SLCO5A1: variants seen among roughly 807,000 people sequenced by gnomAD.
The protein encoded by SLCO5A1 is organic anion transporter polypeptide-related protein 4.
Under a neutral mutation model 65.1 loss-of-function variants are expected in SLCO5A1, and 39 were observed. The observed-to-expected ratio is 0.60, with a 90% CI of 0.46 to 0.78. SLCO5A1 has a LOEUF of 0.78. Ranked by LOEUF, SLCO5A1 falls within the 30% of genes least tolerant of loss-of-function variation. SLCO5A1 has a pLI of 0.00. For missense variants in SLCO5A1, 1,029 were observed against 1,069.4 expected, an observed-to-expected ratio of 0.96 and a Z score of 0.53; for synonymous variants, 438 against 415.7, an observed-to-expected ratio of 1.05 and a Z score of -0.65.
chr8:69,774,138 T>C (rs1324654353), intron 2 of SLCO5A1, among the ~76,000 whole-genome samples: 1 of 152,232 alleles, frequency 6.6e-6, no homozygotes, highest in Non-Finnish European at 1.5e-5. Flanking sequence ...CTTTATTGAA[T>C]GGAGAAGGGA....
rs563002044 is a variant in SLCO5A1, at chr8:69,701,276, T to A, written c.1622+3755A>T. Among the ~76,000 whole-genome samples, 228 of 152,336 alleles carry A rather than the reference T, an allele frequency of 1.5e-3. 2 individuals carry two copies. Among genetic ancestry groups the A allele is most frequent in the South Asian group, 0.015 (70 of 4,824 alleles). On this transcript the variant is annotated intron_variant, in intron 6 of 9. Coordinates refer to ENST00000260126, the MANE Select transcript of SLCO5A1 (RefSeq NM_030958.3). ...TTACACAAATAAGGAAATCTAATCA[T>A]GATACTGTAAACCAAAAATAAAATT...
chr8:69,793,777 CTAAATAAATAAATAAA>C (rs71556785), intron 2 of SLCO5A1, among the ~76,000 whole-genome samples: 89 of 141,886 alleles, frequency 6.3e-4, no homozygotes, highest in African/African-American at 1.8e-3. Context: ...GACTCTGTCT[CTAAATAAATAAATAAA>C]TAAATAAATA....
At chr8:69,735,182 A>C (rs1816501884) in intron 5 of SLCO5A1, among the ~76,000 whole-genome samples, 1 of 152,208 alleles carries the variant, frequency 6.6e-6, no homozygotes, top group Non-Finnish European at 1.5e-5. Flanking sequence ...AGATGCTGCC[A>C]AGGCTGTAGA....
intron 5 of SLCO5A1, among the ~76,000 whole-genome samples, chr8:69,731,813 C>G (rs1816350284): frequency 6.6e-6 from 1 of 152,296 alleles, no homozygotes; most frequent in South Asian, 2.1e-4. Flanking sequence ...TACCTTTCTC[C>G]TCTCTCAGAG....
chr8:69,674,733 T>C (rs542141727), intron 9 of SLCO5A1, among the ~76,000 whole-genome samples: 22 of 151,908 alleles, frequency 1.4e-4, no homozygotes, highest in Non-Finnish European at 5.9e-5. Flanking sequence ...GAAATTATCT[T>C]TTTCTGGCCA....
rs1267510182 is a variant in SLCO5A1 at position 69,673,056 on chromosome 8, GGGTGTCCCACTCTCTCACTCAC to G, written c.2338_2359del (p.Val780ProfsTer43). The G allele has an allele frequency of 6.2e-7, 1 of 1,614,200 alleles. No homozygotes were observed. Among genetic ancestry groups the G allele is most frequent in the South Asian group, 1.1e-5 (1 of 91,082 alleles). On this transcript the variant is annotated frameshift_variant, in exon 10 of 10. Coordinates refer to ENST00000260126, the MANE Select transcript of SLCO5A1 (RefSeq NM_030958.3). LOFTEE classifies it high-confidence loss of function. ...GCAAGATCTAGTCCGGGCATTGTCG[GGGTGTCCCACTCTCTCACTCAC>G]GGTGCTCAGGGGAAATTCTCTCTGC...
intron 2 of SLCO5A1, among the ~76,000 whole-genome samples, chr8:69,765,386 T>TTATATATATATATA (rs371210780): frequency 2.0e-5 from 3 of 149,046 alleles, no homozygotes; most frequent in African/African-American, 7.4e-5. Context: ...GTATGAGTAT[T>TTATATATATATATA]TATATATATA....
intron 5 of SLCO5A1, among the ~76,000 whole-genome samples, chr8:69,708,371 G>C (rs1815068708): frequency 6.6e-6 from 1 of 152,104 alleles, no homozygotes; most frequent in Non-Finnish European, 1.5e-5. Flanking sequence ...AGTAGATACA[G>C]TATATAGTAT....
Position 69,670,129 on chromosome 8 carries a change from T to C in SLCO5A1, c.*2740A>G, listed in dbSNP as rs972637413. On this transcript the variant is annotated 3_prime_UTR_variant, in exon 10 of 10. Coordinates refer to ENST00000260126, the MANE Select transcript of SLCO5A1 (RefSeq NM_030958.3). ...AATTAATAGGATGAACTCAAGGATA[T>C]TGTATTTGCATATTAAAGCTAAATA... is the stretch of plus-strand genomic sequence containing the variant. 1.3e-5 allele frequency: 2 copies of C among 152,344 alleles called. No homozygotes were observed. Among genetic ancestry groups the C allele is most frequent in the South Asian group, 2.1e-4 (1 of 4,834 alleles). 9.4% of individuals were successfully genotyped at this position (152,344 alleles called of 1,614,324 possible).
At chr8:69,830,786 A>T (rs1821120787) in intron 2 of SLCO5A1, among the ~76,000 whole-genome samples, 1 of 152,180 alleles carries the variant, frequency 6.6e-6, no homozygotes, top group African/African-American at 2.4e-5. Context: ...GACTTATGCA[A>T]GTCAACACAC....
At chr8:69,806,006 C>T (rs1467944842) in intron 2 of SLCO5A1, among the ~76,000 whole-genome samples, 1 of 152,170 alleles carries the variant, frequency 6.6e-6, no homozygotes, top group Non-Finnish European at 1.5e-5. Flanking sequence ...CATCTGGATG[C>T]TTTTAAAAAA....
At chr8:69,745,639 A>T (rs1217293453) in intron 4 of SLCO5A1, among the ~76,000 whole-genome samples, 2 of 152,174 alleles carry the variant, frequency 1.3e-5, no homozygotes. Flanking sequence ...ACACATACTA[A>T]CATTTATCTA....
rs1288883995 is a variant in SLCO5A1, at chr8:69,755,362, C to T, written c.1258+62G>A. On this transcript the variant is annotated intron_variant, in intron 4 of 9. Coordinates refer to ENST00000260126, the MANE Select transcript of SLCO5A1 (RefSeq NM_030958.3). ...TGGGTAGACAGCATGGGCCTGGGAC[C>T]ACACTATGAGTAGCACTGATCAAAG... is the stretch of plus-strand genomic sequence containing the variant. 2.8e-6 allele frequency: 4 copies of T among 1,408,042 alleles called. No individual in the cohort carries two copies. The East Asian group carries it at 6.9e-5, about 24-fold the overall frequency. 87.2% of individuals were successfully genotyped at this position (1,408,042 alleles called of 1,614,324 possible).
rs150178914 is a variant in SLCO5A1 at position 69,808,564 on chromosome 8, A to G, written c.907+23203T>C. Among the ~76,000 whole-genome samples, 87 of 152,258 alleles carry G rather than the reference A, an allele frequency of 5.7e-4. No individual in the cohort carries two copies. The East Asian group carries it at 0.016, about 28-fold the overall frequency. ...GTACCACATTTTCTTTATCCAGTCT[A>G]TCATTGATGGACATTTAAGTTGATT... is the stretch of plus-strand genomic sequence containing the variant. On this transcript the variant is annotated intron_variant, in intron 2 of 9. Transcript: ENST00000260126.
chr8:69,731,538 A>G (rs1816337009), intron 5 of SLCO5A1, among the ~76,000 whole-genome samples: 1 of 152,194 alleles, frequency 6.6e-6, no homozygotes, highest in Non-Finnish European at 1.5e-5. Flanking sequence ...TAGACACCCA[A>G]ACATTCCTTA....
chr8:69,779,441 G>A (rs934869168), intron 2 of SLCO5A1, among the ~76,000 whole-genome samples: 3 of 152,128 alleles, frequency 2.0e-5, no homozygotes, highest in African/African-American at 7.2e-5. Context: ...TCCAGAGCTG[G>A]CAGTATCTCA....
chr8:69,834,753 CACACACACA>C (rs1275488801), intron 1 of SLCO5A1, 92 bp downstream of exon 1: 3 of 145,978 alleles, frequency 2.1e-5, no homozygotes, highest in African/African-American at 8.1e-5. Flanking sequence ...CACACACACA[CACACACACA>C]CACACACACA....
intron 4 of SLCO5A1, among the ~76,000 whole-genome samples, chr8:69,748,393 T>A (rs146089309): frequency 0.012 from 1,771 of 152,196 alleles, 26 homozygotes; most frequent in African/African-American, 0.039. Flanking sequence ...TTTTTCAGGG[T>A]TTCTCTGCCT....
chr8:69,743,539 C>G (rs1402516317), intron 4 of SLCO5A1, among the ~76,000 whole-genome samples: 1 of 152,088 alleles, frequency 6.6e-6, no homozygotes, highest in East Asian at 1.9e-4. Context: ...GCACCAACTT[C>G]GGTGAACCTG....
Sources: allele counts gnomAD v4.1 joint callset (sites outside exome capture counted in the v4.1 genomes callset), GRCh38; gene constraint gnomAD v4.1.1; transcripts MANE v1.5; gene names NCBI Gene and HGNC (gene_info 2026-07-23, HGNC 2026-07-21).